The following ELOVL7 variants were observed in gnomAD, a reference collection of about 807,000 sequenced individuals.
ELOVL7 encodes the protein very long chain fatty acid elongase 7.
In ELOVL7, 27 loss-of-function variants were observed where a neutral mutation model predicts 35.7. That is an observed-to-expected ratio of 0.76 (90% CI 0.56 to 1.04). The LOEUF is 1.04. Among genes scored for constraint, ELOVL7 ranks in the 50% least tolerant of loss-of-function variants. The pLI is 0.00. For missense variants in ELOVL7, 327 were observed against 340.8 expected, an observed-to-expected ratio of 0.96 and a Z score of 0.32; for synonymous variants, 113 against 114.6, an observed-to-expected ratio of 0.99 and a Z score of 0.09.
chr5:60,808,162 C>G (rs960184088), intron 1 of ELOVL7, among the ~76,000 whole-genome samples: 1 of 149,962 alleles, frequency 6.7e-6, no homozygotes, highest in Admixed American at 6.6e-5. Flanking sequence ...TAGAAGAAAA[C>G]CTGAAGTGTT....
intron 4 of ELOVL7, among the ~76,000 whole-genome samples, chr5:60,770,426 G>C (rs915069038): frequency 7.2e-5 from 11 of 152,152 alleles, no homozygotes; most frequent in Non-Finnish European, 1.5e-4. Context: ...CTAAAATTCA[G>C]GCAGCCAGTC....
chr5:60,786,519 T>C (rs1214168766), intron 3 of ELOVL7, among the ~76,000 whole-genome samples: 1 of 152,140 alleles, frequency 6.6e-6, no homozygotes, highest in Non-Finnish European at 1.5e-5. Context: ...ACATTGACTT[T>C]TAAAATAAAT....
chr5:60,775,923 G>C (rs1742875856), intron 3 of ELOVL7, among the ~76,000 whole-genome samples: 1 of 152,092 alleles, frequency 6.6e-6, no homozygotes, highest in Non-Finnish European at 1.5e-5. Flanking sequence ...CACTGGCCTT[G>C]GCAAAGGCTT....
At chr5:60,837,324 A>AGGGGGGGGGGGGG (rs1746880134) in intron 1 of ELOVL7, among the ~76,000 whole-genome samples, 1 of 55,656 alleles carries the variant, frequency 1.8e-5, no homozygotes, top group African/African-American at 9.0e-5. Context: ...GTGGGGGGGG[A>AGGGGGGGGGGGGG]GTGGGGGGTG....
chr5:60,827,660 C>T (rs1355668007), intron 1 of ELOVL7, among the ~76,000 whole-genome samples: 2 of 152,114 alleles, frequency 1.3e-5, no homozygotes, highest in African/African-American at 4.8e-5. Context: ...CCTTTAAATG[C>T]CCCATCATGA....
At chr5:60,764,448 G>A (rs1742112844) in intron 6 of ELOVL7, 116 bp from the exon 7 acceptor site, 2 of 807,790 alleles carry the variant, frequency 2.5e-6, no homozygotes, top group Middle Eastern at 2.6e-4. Context: ...CTCTAAAAGT[G>A]TTGCCTTATA....
At chr5:60,787,469 T>G in intron 2 of ELOVL7, 38 bp from the exon 3 acceptor site, 1 of 1,147,964 alleles carries the variant, frequency 8.7e-7, no homozygotes, top group Non-Finnish European at 1.2e-6. Context: ...TTATAATCTA[T>G]AAATGCAAAT....
intron 1 of ELOVL7, among the ~76,000 whole-genome samples, chr5:60,819,995 T>C (rs1176690222): frequency 6.6e-6 from 1 of 152,200 alleles, no homozygotes; most frequent in African/African-American, 2.4e-5. Context: ...AAATGCATCC[T>C]TAAAAGTAGA....
chr5:60,787,417 C>A lies in ELOVL7; in HGVS notation c.-20G>T, dbSNP rs759668969. On this transcript the variant is annotated 5_prime_UTR_variant, in exon 3 of 9. Transcript: ENST00000508821. Reference sequence around the variant, plus strand: ...GGCCATTTTCCACAGGATTTACTGGCTCTTTTAATGGGTTCTTCAGTAAAA... The same window carrying A: ...GGCCATTTTCCACAGGATTTACTGGATCTTTTAATGGGTTCTTCAGTAAAA... 1.3e-6 allele frequency: 2 copies of A among 1,567,082 alleles called. No individual in the cohort carries two copies. The highest frequency in any genetic ancestry group is 1.9e-5 in the Admixed American group (1 of 52,392).
At chr5:60,763,687 TA>T (rs1742058805) in intron 7 of ELOVL7, among the ~76,000 whole-genome samples, 2 of 152,170 alleles carry the variant, frequency 1.3e-5, no homozygotes, top group South Asian at 4.1e-4. Context: ...TTTTGGACCT[TA>T]AAAACAGTAT....
chr5:60,767,830 G>T lies in ELOVL7; in HGVS notation c.329C>A (p.Ala110Asp). ...DIVDYSRSPTALRMARTCWLY... is the reference protein window; with the variant it reads ...DIVDYSRSPTDLRMARTCWLY... The stretch of plus-strand genomic sequence containing the variant: ...TTCCAAAGAGAAACTTACCCTCAAA[G>T]CTGTGGGTGACCGTGAATAGTCAAC... The change falls in exon 5 of 9, where the codon GCT becomes GAT. Residue 110 changes from alanine to aspartate, a missense_variant. Ala to Asp is a moderately radical substitution (Grantham distance 126). Transcript: ENST00000508821. 2 of 1,612,548 alleles carry T rather than the reference G, an allele frequency of 1.2e-6. No homozygotes were observed. Among genetic ancestry groups the T allele is most frequent in the Non-Finnish European group, 1.7e-6 (2 of 1,178,672 alleles).
At chr5:60,765,119 C>A (rs942346906) in intron 6 of ELOVL7, among the ~76,000 whole-genome samples, 1 of 152,148 alleles carries the variant, frequency 6.6e-6, no homozygotes, top group Non-Finnish European at 1.5e-5. Context: ...AGAAGCAGTG[C>A]AGTTTCCTTA....
At chr5:60,799,333 G>A (rs1265022891) in intron 1 of ELOVL7, 103 bp from the exon 2 acceptor site, 3 of 151,774 alleles carry the variant, frequency 2.0e-5, no homozygotes, top group Non-Finnish European at 1.5e-5. Flanking sequence ...AAACAATATA[G>A]ATTAGAGTAG....
chr5:60,784,419 T>C (rs1010062587), intron 3 of ELOVL7, among the ~76,000 whole-genome samples: 2 of 152,228 alleles, frequency 1.3e-5, no homozygotes, highest in African/African-American at 4.8e-5. Context: ...AATGCTACCA[T>C]AGCATTATTT....
intron 7 of ELOVL7, among the ~76,000 whole-genome samples, chr5:60,761,285 A>C (rs1184542885): frequency 6.6e-6 from 1 of 152,150 alleles, no homozygotes; most frequent in Non-Finnish European, 1.5e-5. Flanking sequence ...TTAATGTAAA[A>C]ACCTACCACA....
chr5:60,820,088 C>T (rs1016674857), intron 1 of ELOVL7, among the ~76,000 whole-genome samples: 2 of 152,184 alleles, frequency 1.3e-5, no homozygotes, highest in Admixed American at 6.5e-5. Context: ...GACTGGCCCA[C>T]ATTCAAGGAC....
At chr5:60,792,819 G>A (rs774127756) in intron 2 of ELOVL7, among the ~76,000 whole-genome samples, 2 of 152,208 alleles carry the variant, frequency 1.3e-5, no homozygotes, top group African/African-American at 2.4e-5. Flanking sequence ...CAGACCTGGT[G>A]ATGGCTTAAA....
intron 2 of ELOVL7, 58 bp from the exon 3 acceptor site, chr5:60,787,489 C>T (rs1039480346): frequency 4.1e-6 from 4 of 973,310 alleles, no homozygotes; most frequent in African/African-American, 1.7e-5. Context: ...TAAAGTCAAG[C>T]TTATAGTAAT....
At chr5:60,771,434 G>A (rs367569762) in intron 4 of ELOVL7, among the ~76,000 whole-genome samples, 12 of 152,238 alleles carry the variant, frequency 7.9e-5, no homozygotes, top group African/African-American at 2.9e-4. Flanking sequence ...ACAAAGCCCA[G>A]CTAAACTAAC....
Sources: allele counts gnomAD v4.1 joint callset (sites outside exome capture counted in the v4.1 genomes callset), GRCh38; gene constraint gnomAD v4.1.1; transcripts MANE v1.5; gene names NCBI Gene and HGNC (gene_info 2026-07-23, HGNC 2026-07-21).